Variants in SARM1 observed in about 807,000 individuals in gnomAD.
SARM1 encodes the protein NAD(+) hydrolase SARM1.
SARM1 carries 60 observed loss-of-function variants against 65.1 expected under a neutral mutation model. The ratio of observed to expected loss-of-function variants is 0.92; its 90% CI spans 0.75 to 1.14. The LOEUF is 1.14. SARM1 is among the 50% of genes most tolerant of loss of function. The pLI is 0.00. For synonymous variants in SARM1, 417 were observed against 465.4 expected, an observed-to-expected ratio of 0.90 and a Z score of 1.34; for missense variants, 913 against 1,015.7, an observed-to-expected ratio of 0.90 and a Z score of 1.37.
intron 5 of SARM1, 64 bp from the exon 6 acceptor site, chr17:28,388,110 A>G: frequency 8.2e-7 from 1 of 1,219,392 alleles, no homozygotes; most frequent in Non-Finnish European, 1.2e-6. Context: ...ACAAGGGATG[A>G]TATACCTGAC....
chr17:28,372,116 G>A lies in SARM1; in HGVS notation c.84G>A (p.Leu28=), dbSNP rs782441171. The change falls in exon 1 of 9, where the codon CTG becomes CTA. Residue 28 remains leucine (L), a synonymous_variant. Coordinates refer to ENST00000585482, the MANE Select transcript of SARM1 (RefSeq NM_015077.4). This position sits in a 1 kb window ranked among gnomAD's most constrained non-coding sequence, Gnocchi z 5.2. The part of the protein sequence containing the change: ...MSGPRPGAER[L]AVPGPDGGGG... Reference sequence around the variant, plus strand: ...GCCCACGGCCGGGCGCCGAGCGGCTGGCGGTGCCTGGGCCAGATGGGGGCG... The same window carrying A: ...GCCCACGGCCGGGCGCCGAGCGGCTAGCGGTGCCTGGGCCAGATGGGGGCG... 1.6e-5 allele frequency: 23 copies of A among 1,472,186 alleles called. No homozygotes were observed. The highest frequency in any genetic ancestry group is 2.1e-5 in the Non-Finnish European group (23 of 1,118,534). 91.2% of individuals were successfully genotyped at this position (1,472,186 alleles called of 1,614,324 possible).
rs1555588858 is a variant in SARM1 at position 28,398,992 on chromosome 17, G to A, written c.*2706G>A. 1 of 152,440 alleles carries A rather than the reference G, an allele frequency of 6.6e-6. No individual in the cohort carries two copies. Among genetic ancestry groups the A allele is most frequent in the African/African-American group, 2.4e-5 (1 of 41,462 alleles). 9.4% of individuals were successfully genotyped at this position (152,440 alleles called of 1,614,324 possible). A position where few individuals can be genotyped will look rare whatever the true frequency, so the allele number is the denominator to read the frequency against. On this transcript the variant is annotated 3_prime_UTR_variant, in exon 9 of 9. Coordinates refer to ENST00000585482, the MANE Select transcript of SARM1 (RefSeq NM_015077.4). ...CGTATGGCAGGCAGACTGGGAGCAG[G>A]AAAACAGAGGGCCCCAAAGCCCAAG...
rs2068192117 is a variant in SARM1 at position 28,401,050 on chromosome 17, ATG to A, written c.*4767_*4768del. On this transcript the variant is annotated 3_prime_UTR_variant, in exon 9 of 9. Coordinates refer to ENST00000585482, the MANE Select transcript of SARM1 (RefSeq NM_015077.4). The stretch of plus-strand genomic sequence containing the variant: ...AGCACATAAAAGAAAAAAAAAGTAC[ATG>A]TGATATTGTCTGATGAAAGCTTGAT... 2.4e-6 allele frequency: 1 copy of A among 415,878 alleles called. No homozygotes were observed. The highest frequency in any genetic ancestry group is 2.2e-5 in the South Asian group (1 of 44,498). The allele number at this position is 415,878 out of a possible 1,614,324, so 25.8% of individuals were successfully genotyped here.
In SARM1 at chr17:28,385,370, G is replaced by C; in HGVS notation, c.1630+95G>C. ...ACACGGGGTGGAGCCTTCCAGCCTC[G>C]CCGTGGATTGATTGAGCACAAACGT... On this transcript the variant is annotated intron_variant, in intron 5 of 8. Transcript: ENST00000585482. This position sits in a 1 kb window ranked among gnomAD's most constrained non-coding sequence, Gnocchi z 4.5. 1.1e-6 allele frequency: 1 copy of C among 946,052 alleles called. No homozygotes were observed. The highest frequency in any genetic ancestry group is 1.5e-6 in the Non-Finnish European group (1 of 651,076). The allele number at this position is 946,052 out of a possible 1,614,324, so 58.6% of individuals were successfully genotyped here.
intron 7 of SARM1, among the ~76,000 whole-genome samples, chr17:28,394,369 T>C (rs1394166603): frequency 6.6e-6 from 1 of 152,206 alleles, no homozygotes; most frequent in Non-Finnish European, 1.5e-5. Context: ...GGAGTACAAT[T>C]GGCAGGGCGC....
intron 1 of SARM1, chr17:28,374,069 C>T (rs1342031259): frequency 2.0e-5 from 3 of 150,044 alleles, no homozygotes; most frequent in Non-Finnish European, 4.4e-5. Context: ...GGGTTCGAGA[C>T]CAGCCTGGCC....
At chr17:28,376,733 G>T (rs2067991665) in intron 1 of SARM1, among the ~76,000 whole-genome samples, 1 of 152,100 alleles carries the variant, frequency 6.6e-6, no homozygotes, top group Admixed American at 6.5e-5. Context: ...GCCTCCCAAA[G>T]TACTGGAATT....
At chr17:28,391,638 G>T (rs1960662057) in intron 7 of SARM1, among the ~76,000 whole-genome samples, 1 of 147,010 alleles carries the variant, frequency 6.8e-6, no homozygotes, top group South Asian at 2.1e-4. Flanking sequence ...TTCAGACCTT[G>T]CCTCATTCAT....
chr17:28,375,099 C>T (rs2067981603), intron 1 of SARM1, among the ~76,000 whole-genome samples: 1 of 151,996 alleles, frequency 6.6e-6, no homozygotes, highest in Non-Finnish European at 1.5e-5. Context: ...CACAGTTTTC[C>T]TGACTTCCAA....
chr17:28,402,451 T>A lies in SARM1; in HGVS notation c.*6165T>A. The A allele has an allele frequency of 1.4e-6, 1 of 725,896 alleles. No homozygotes were observed. The highest frequency in any genetic ancestry group is 2.3e-6 in the Non-Finnish European group (1 of 429,710). The allele number at this position is 725,896 out of a possible 1,614,324, so 45.0% of individuals were successfully genotyped here. A position where few individuals can be genotyped will look rare whatever the true frequency, so the allele number is the denominator to read the frequency against. On this transcript the variant is annotated 3_prime_UTR_variant, in exon 9 of 9. Coordinates refer to ENST00000585482, the MANE Select transcript of SARM1 (RefSeq NM_015077.4). ...GACCCAGGAAGAACTTCCTTGATGG[T>A]GAGGGTGGGAAGACAGTAGTCAAGG...
At position 28,396,003 on chromosome 17, in the gene SARM1, T is replaced by C. The variant is rs1555587801; in HGVS notation, c.2022T>C (p.Ala674=). The C allele has an allele frequency of 6.2e-7, 1 of 1,613,988 alleles. No individual in the cohort carries two copies. The highest frequency in any genetic ancestry group is 8.5e-7 in the Non-Finnish European group (1 of 1,179,876). The change falls in exon 8 of 9, where the codon GCT becomes GCC. Residue 674 remains alanine, a synonymous_variant. Coordinates refer to ENST00000585482, the MANE Select transcript of SARM1 (RefSeq NM_015077.4). ...EPQVLPEDMQ[A]VLTFNGIKWS... is the part of the protein sequence containing the mutation. ...AGGTCCTGCCTGAGGACATGCAGGCTGTGCTTACTTTCAACGGTATCAAGT... is the reference window on the plus strand; with the variant it reads ...AGGTCCTGCCTGAGGACATGCAGGCCGTGCTTACTTTCAACGGTATCAAGT...
chr17:28,380,027 A>G (rs2068012737), intron 1 of SARM1, among the ~76,000 whole-genome samples: 1 of 142,278 alleles, frequency 7.0e-6, no homozygotes, highest in South Asian at 2.3e-4. Context: ...TATATTCTAC[A>G]TATAAACCCC....
At chr17:28,374,668 C>A (rs1370806236) in intron 1 of SARM1, among the ~76,000 whole-genome samples, 2 of 152,178 alleles carry the variant, frequency 1.3e-5, no homozygotes, top group Non-Finnish European at 2.9e-5. Flanking sequence ...CAAGCCCCCA[C>A]TGCCTCATCT....
chr17:28,400,123 G>C lies in SARM1; in HGVS notation c.*3837G>C, dbSNP rs774508059. 3 of 231,398 alleles carry C rather than the reference G, an allele frequency of 1.3e-5. No individual in the cohort carries two copies. The highest frequency in any genetic ancestry group is 1.7e-5 in the Non-Finnish European group (2 of 116,440). The allele number at this position is 231,398 out of a possible 1,614,324, so 14.3% of individuals were successfully genotyped here. A position where few individuals can be genotyped will look rare whatever the true frequency, so the allele number is the denominator to read the frequency against. Reference sequence around the variant, plus strand: ...TTGCCCAGGCTGATCTTGAATTCCCGGGCTCAAGTGGTCCTCCTGCCTCAG... The same window carrying C: ...TTGCCCAGGCTGATCTTGAATTCCCCGGCTCAAGTGGTCCTCCTGCCTCAG... On this transcript the variant is annotated 3_prime_UTR_variant, in exon 9 of 9. Transcript: ENST00000585482.
chr17:28,389,633 C>G (rs1249254076), intron 7 of SARM1, among the ~76,000 whole-genome samples: 1 of 152,144 alleles, frequency 6.6e-6, no homozygotes, highest in Non-Finnish European at 1.5e-5. Flanking sequence ...CACCCGTAAT[C>G]CCAGCACTTT....
At chr17:28,378,388 C>T (rs949615990) in intron 1 of SARM1, among the ~76,000 whole-genome samples, 13 of 152,218 alleles carry the variant, frequency 8.5e-5, no homozygotes, top group African/African-American at 2.9e-4. Context: ...AACTGAAATG[C>T]AATCTCTCCT....
chr17:28,394,733 G>T (rs1179310419), intron 7 of SARM1: 2 of 152,218 alleles, frequency 1.3e-5, no homozygotes, highest in East Asian at 1.9e-4. Flanking sequence ...TGAGTGCAAA[G>T]TTTGAGAATA....
chr17:28,395,625 C>CG (rs547710909), intron 7 of SARM1: 10 of 379,220 alleles, frequency 2.6e-5, no homozygotes, highest in Admixed American at 2.4e-4. Context: ...TAGCACCCCC[C>CG]GGGCCCCCAG....
rs2067954624 is a variant in SARM1, at chr17:28,371,738, C to T, written c.-295C>T. 1 of 306,254 alleles carries T rather than the reference C, an allele frequency of 3.3e-6. No homozygotes were observed. The highest frequency in any genetic ancestry group is 2.2e-5 in the African/African-American group (1 of 46,278). 19.0% of individuals were successfully genotyped at this position (306,254 alleles called of 1,614,324 possible). A position where few individuals can be genotyped will look rare whatever the true frequency, so the allele number is the denominator to read the frequency against. Reference sequence around the variant, plus strand: ...CCCGTGCCCAGGCCACGCTTTGTTCCAGCCGCCGCCTCCTCTACCCTACGG... The same window carrying T: ...CCCGTGCCCAGGCCACGCTTTGTTCTAGCCGCCGCCTCCTCTACCCTACGG... On this transcript the variant is annotated 5_prime_UTR_variant, in exon 1 of 9. Coordinates refer to ENST00000585482, the MANE Select transcript of SARM1 (RefSeq NM_015077.4).
Sources: gnomAD v4.1 joint callset for allele counts (sites outside exome capture counted in the v4.1 genomes callset) on GRCh38, gnomAD v4.1.1 for gene constraint, Gnocchi (gnomAD v3.1) non-coding constraint, MANE v1.5 for transcripts, NCBI Gene and HGNC (gene_info 2026-07-23, HGNC 2026-07-21) for gene names.